The following MYT1L variants were observed in gnomAD, a reference collection of about 807,000 sequenced individuals.
MYT1L encodes the protein myelin transcription factor 1 like.
Under a neutral mutation model 126.7 loss-of-function variants are expected in MYT1L, and 12 were observed. That is an observed-to-expected ratio of 0.09 (90% CI 0.06 to 0.15). MYT1L has a LOEUF of 0.15. Ranked by LOEUF, MYT1L falls within the 10% of genes least tolerant of loss-of-function variation. The pLI is 1.00. For missense variants in MYT1L, 979 were observed against 1,585.2 expected (o/e 0.62, Z 6.49); for synonymous variants, 541 against 604.2 (o/e 0.90, Z 1.53).
At chr2:2,072,663 G>C (rs1440225571) in intron 3 of MYT1L, among the ~76,000 whole-genome samples, 1 of 152,152 alleles carries the variant, frequency 6.6e-6, no homozygotes, top group Non-Finnish European at 1.5e-5. Flanking sequence ...AGTTGAGGGA[G>C]GAACCTGGTA....
At chr2:2,128,460 G>C (rs2081984420) in intron 3 of MYT1L, among the ~76,000 whole-genome samples, 1 of 152,048 alleles carries the variant, frequency 6.6e-6, no homozygotes. Flanking sequence ...CCTTAAGCTT[G>C]AACTTCTAAA....
Position 1,910,643 on chromosome 2 carries a change from A to G in MYT1L, c.1710-296T>C, listed in dbSNP as rs990662740. The stretch of plus-strand genomic sequence containing the variant: ...AGCTCCCATGCATTCGGGAGGACAT[A>G]GCTGGTGAAAACTGTAGACAGATTC... On this transcript the variant is annotated intron_variant, in intron 12 of 24. Coordinates refer to ENST00000647738, the MANE Select transcript of MYT1L (RefSeq NM_001303052.2). This position sits in a 1 kb window ranked among gnomAD's most constrained non-coding sequence, Gnocchi z 4.8. 3.9e-5 allele frequency among the ~76,000 whole-genome samples: 6 copies of G among 152,164 alleles called. No individual in the cohort carries two copies. The highest frequency in any genetic ancestry group is 8.8e-5 in the Non-Finnish European group (6 of 68,036).
At chr2:1,888,908 G>A (rs1224577859) in intron 16 of MYT1L, among the ~76,000 whole-genome samples, 3 of 152,148 alleles carry the variant, frequency 2.0e-5, no homozygotes, top group Non-Finnish European at 4.4e-5. Context: ...TACCTGCAAG[G>A]AAAATCCTGT....
intron 9 of MYT1L, among the ~76,000 whole-genome samples, chr2:1,930,611 C>T (rs755941955): frequency 6.6e-6 from 1 of 152,068 alleles, no homozygotes; most frequent in Non-Finnish European, 1.5e-5. Flanking sequence ...GAGGGCACAG[C>T]GCTGGGCTGC....
chr2:1,858,775 G>A (rs541270373), intron 18 of MYT1L, among the ~76,000 whole-genome samples: 3 of 152,330 alleles, frequency 2.0e-5, no homozygotes, highest in East Asian at 1.9e-4. Context: ...TGAAGTATGC[G>A]TATTTTGCAC....
At chr2:2,004,898 T>A (rs2063026308) in intron 4 of MYT1L, among the ~76,000 whole-genome samples, 1 of 151,372 alleles carries the variant, frequency 6.6e-6, no homozygotes, top group Admixed American at 6.6e-5. Context: ...CTGCATGTGT[T>A]CTTTCCTGCA....
intron 3 of MYT1L, among the ~76,000 whole-genome samples, chr2:2,101,872 G>A (rs764442731): frequency 2.0e-5 from 3 of 152,152 alleles, no homozygotes; most frequent in African/African-American, 2.4e-5. Context: ...GTAAAATGGC[G>A]GCTATTACTG....
chr2:2,077,353 T>C (rs1296467725), intron 3 of MYT1L, among the ~76,000 whole-genome samples: 2 of 152,178 alleles, frequency 1.3e-5, no homozygotes, highest in Admixed American at 1.3e-4. Flanking sequence ...GTTCAATGAA[T>C]TCAATGTAGA....
intron 14 of MYT1L, among the ~76,000 whole-genome samples, chr2:1,897,100 T>C (rs2049694800): frequency 6.6e-6 from 1 of 152,248 alleles, no homozygotes; most frequent in Admixed American, 6.5e-5. Context: ...AGACAGTATC[T>C]ACTTTCACAT....
intron 4 of MYT1L, among the ~76,000 whole-genome samples, chr2:2,001,237 C>CTTTTTTTTTTTTTTT (rs11389323): frequency 1.4e-4 from 15 of 103,906 alleles, no homozygotes; most frequent in East Asian, 2.9e-4. Flanking sequence ...TTGGTTTTAG[C>CTTTTTTTTTTTTTTT]TTTTTTTTTT....
rs1478575573 is a variant in MYT1L at position 1,791,582 on chromosome 2, A to C, written c.*285T>G. Reference sequence around the variant, plus strand: ...TTTATTTTGATCAGCTTACCTCTTCAGAAATAGATATACCCCCAAATGTGC... The same window carrying C: ...TTTATTTTGATCAGCTTACCTCTTCCGAAATAGATATACCCCCAAATGTGC... On this transcript the variant is annotated 3_prime_UTR_variant, in exon 25 of 25. Transcript: ENST00000647738. The surrounding 1 kb of genome is among the most constrained non-coding windows in gnomAD (Gnocchi z 6.0). 2.5e-6 allele frequency: 1 copy of C among 403,532 alleles called. No individual in the cohort carries two copies. The highest frequency in any genetic ancestry group is 4.5e-6 in the Non-Finnish European group (1 of 223,648). 25.0% of individuals were successfully genotyped at this position (403,532 alleles called of 1,614,324 possible). A position where few individuals can be genotyped will look rare whatever the true frequency, so the allele number is the denominator to read the frequency against.
intron 3 of MYT1L, among the ~76,000 whole-genome samples, chr2:2,128,275 T>C (rs2081966226): frequency 6.6e-6 from 1 of 152,134 alleles, no homozygotes; most frequent in African/African-American, 2.4e-5. Context: ...GCCTCCCGAA[T>C]AGCTGGGATT....
chr2:2,148,661 C>T (rs2148274280), intron 3 of MYT1L, among the ~76,000 whole-genome samples: 1 of 152,310 alleles, frequency 6.6e-6, no homozygotes, highest in East Asian at 1.9e-4. Context: ...GCGTTCCTGT[C>T]TGTATTCTTC....
At chr2:1,918,580 G>T (rs1202796291) in intron 10 of MYT1L, among the ~76,000 whole-genome samples, 1 of 152,138 alleles carries the variant, frequency 6.6e-6, no homozygotes, top group Admixed American at 6.6e-5. Flanking sequence ...TCGTTCAGGT[G>T]AACTTCAAAT....
chr2:2,213,203 G>A (rs997124303), intron 2 of MYT1L, among the ~76,000 whole-genome samples: 1 of 152,190 alleles, frequency 6.6e-6, no homozygotes, highest in African/African-American at 2.4e-5. Flanking sequence ...ATAATGGAGA[G>A]TGATCCCTGA....
At chr2:2,300,875 C>A (rs1391015780) in intron 1 of MYT1L, among the ~76,000 whole-genome samples, 1 of 152,164 alleles carries the variant, frequency 6.6e-6, no homozygotes. Flanking sequence ...TCGTCTTCTA[C>A]TCTACCAGGA....
intron 3 of MYT1L, among the ~76,000 whole-genome samples, chr2:2,105,546 C>A (rs2078648550): frequency 6.6e-6 from 1 of 152,036 alleles, no homozygotes. Flanking sequence ...TTAATATGTT[C>A]TTTTTTAATG....
At chr2:1,831,872 G>A (rs1408447173) in intron 21 of MYT1L, among the ~76,000 whole-genome samples, 3 of 152,098 alleles carry the variant, frequency 2.0e-5, no homozygotes, top group African/African-American at 7.2e-5. Flanking sequence ...GAGTCCCGGG[G>A]TGAACCTGCA....
intron 2 of MYT1L, among the ~76,000 whole-genome samples, chr2:2,230,672 C>T (rs1249727705): frequency 1.3e-5 from 2 of 152,166 alleles, no homozygotes; most frequent in South Asian, 2.1e-4. Context: ...GGGCTGTCAG[C>T]GGGCTCCACC....
Sources: gnomAD v4.1 joint callset for allele counts (sites outside exome capture counted in the v4.1 genomes callset) on GRCh38, gnomAD v4.1.1 for gene constraint, Gnocchi (gnomAD v3.1) non-coding constraint, MANE v1.5 for transcripts, NCBI Gene and HGNC (gene_info 2026-07-23, HGNC 2026-07-21) for gene names.